Variants in CDCA7 observed in about 807,000 individuals in gnomAD.
The protein encoded by CDCA7 is cell division cycle-associated protein 7.
In CDCA7, 28 loss-of-function variants were observed where a neutral mutation model predicts 54.0. The ratio of observed to expected loss-of-function variants is 0.52; its 90% CI spans 0.38 to 0.71. CDCA7 has a LOEUF of 0.71. Among genes scored for constraint, CDCA7 ranks in the 30% least tolerant of loss-of-function variants. CDCA7 has a pLI of 0.00. For missense variants in CDCA7, 484 were observed against 586.0 expected, an observed-to-expected ratio of 0.83 and a Z score of 1.80; for synonymous variants, 180 against 208.2, an observed-to-expected ratio of 0.86 and a Z score of 1.16.
chr2:173,367,556 A>G, intron 9 of CDCA7, 78 bp from the exon 10 acceptor site: 1 of 1,555,960 alleles, frequency 6.4e-7, no homozygotes, highest in Non-Finnish European at 8.9e-7. Flanking sequence ...AAATGGTTTT[A>G]AAAATGAATT....
chr2:173,366,263 T>TC lies in CDCA7; in HGVS notation c.1036-19dup, dbSNP rs397809331. ...AAACAGTGGTTTTTTTTGTTTTTTTTCTTAATGGCTTATTTGTAGGGCTCT... is the reference window on the plus strand; with the variant it reads ...AAACAGTGGTTTTTTTTGTTTTTTTTCCTTAATGGCTTATTTGTAGGGCTCT... On this transcript the variant is annotated intron_variant, in intron 7 of 9. Transcript: ENST00000306721. The surrounding 1 kb of genome is among the most constrained non-coding windows in gnomAD (Gnocchi z 4.5). The TC allele has an allele frequency of 1.3e-6, 2 of 1,582,274 alleles. No homozygotes were observed. Among genetic ancestry groups the TC allele is most frequent in the African/African-American group, 2.7e-5 (2 of 72,812 alleles).
rs1686723675 is a variant in CDCA7 at position 173,366,532 on chromosome 2, G to A, written c.1185+100G>A. 6.9e-7 allele frequency: 1 copy of A among 1,449,358 alleles called. No individual in the cohort carries two copies. The allele number at this position is 1,449,358 out of a possible 1,614,324, so 89.8% of individuals were successfully genotyped here. A position where few individuals can be genotyped will look rare whatever the true frequency, so the allele number is the denominator to read the frequency against. ...TTGGTGAAGGGGTGGAGCCCTTTCT[G>A]TTATGGGGTGCTCTTCTTTTTTTTT... On this transcript the variant is annotated intron_variant, in intron 8 of 9. Transcript: ENST00000306721. The surrounding 1 kb of genome is among the most constrained non-coding windows in gnomAD (Gnocchi z 4.5).
chr2:173,364,756 T>A, intron 5 of CDCA7, 39 bp from the exon 6 acceptor site: 1 of 1,554,174 alleles, frequency 6.4e-7, no homozygotes. Flanking sequence ...TTCTCTTTAT[T>A]ATGGAATAAA....
intron 3 of CDCA7, among the ~76,000 whole-genome samples, chr2:173,361,397 T>C (rs371072195): frequency 6.6e-6 from 1 of 152,236 alleles, no homozygotes; most frequent in Non-Finnish European, 1.5e-5. Context: ...CAGCAGTGTG[T>C]GAGGGTTACA....
rs552319273 is a variant in CDCA7, at chr2:173,359,918, G to A, written c.384+427G>A. Among the ~76,000 whole-genome samples, 47 of 152,292 alleles carry A rather than the reference G, an allele frequency of 3.1e-4. No homozygotes were observed. The South Asian group carries it at 9.1e-3, about 30-fold the overall frequency. On this transcript the variant is annotated intron_variant, in intron 3 of 9. Transcript: ENST00000306721. Reference sequence around the variant, plus strand: ...ATCTTGAAAACCTGTGATAACTTACGTGCAGGAGCTCCATTGCAGATAATG... The same window carrying A: ...ATCTTGAAAACCTGTGATAACTTACATGCAGGAGCTCCATTGCAGATAATG...
intron 1 of CDCA7, 34 bp downstream of exon 1, chr2:173,355,018 C>T (rs1686467318): frequency 7.3e-7 from 1 of 1,364,226 alleles, no homozygotes; most frequent in Non-Finnish European, 9.4e-7. Flanking sequence ...GAGGGGCGGG[C>T]GCGGTGGGTG....
intron 3 of CDCA7, among the ~76,000 whole-genome samples, chr2:173,360,116 G>T (rs1686591657): frequency 6.6e-6 from 1 of 152,204 alleles, no homozygotes; most frequent in African/African-American, 2.4e-5. Context: ...CTTGACAAAG[G>T]AAGCAGTGCA....
chr2:173,366,841 C>T lies in CDCA7; in HGVS notation c.1186-309C>T, dbSNP rs891038648. Among the ~76,000 whole-genome samples the T allele has an allele frequency of 1.2e-4, 19 of 152,094 alleles. No homozygotes were observed. Among genetic ancestry groups the T allele is most frequent in the Admixed American group, 1.2e-3 (19 of 15,268 alleles). The stretch of plus-strand genomic sequence containing the variant: ...GATTACAGGTGTGAGCCACCACGCC[C>T]GGCCCAGGGTGCTCTTAATTCAGAA... On this transcript the variant is annotated intron_variant, in intron 8 of 9. Transcript: ENST00000306721. The surrounding 1 kb of genome is among the most constrained non-coding windows in gnomAD (Gnocchi z 4.5).
At chr2:173,355,049 GC>G in intron 1 of CDCA7, 65 bp downstream of exon 1, 1 of 1,286,066 alleles carries the variant, frequency 7.8e-7, no homozygotes, top group Non-Finnish European at 9.8e-7. Context: ...GCGGGCGCGG[GC>G]CGACCCTCTC....
chr2:173,356,899 C>T (rs368784198), intron 1 of CDCA7, among the ~76,000 whole-genome samples: 2 of 152,152 alleles, frequency 1.3e-5, no homozygotes, highest in African/African-American at 4.8e-5. Flanking sequence ...GATGATTGAA[C>T]GGAGTTTACT....
chr2:173,358,222 T>A (rs1686549221), intron 1 of CDCA7, among the ~76,000 whole-genome samples: 1 of 150,698 alleles, frequency 6.6e-6, no homozygotes, highest in Admixed American at 6.6e-5. Context: ...AAAAAGAATT[T>A]GACCTGGTTT....
chr2:173,359,389 A>C lies in CDCA7; in HGVS notation c.282A>C (p.Lys94Asn), dbSNP rs1356578370. Reference protein sequence around the residue: ...DVLDHCGFLQKPRPDVTNELA... With the variant: ...DVLDHCGFLQNPRPDVTNELA... ...TAGACCATTGTGGATTTTTACAGAA[A>C]CCAAGGCCAGATGTCACTAACGAAC... is the stretch of plus-strand genomic sequence containing the variant. Residue 94 changes from lysine (K) to asparagine (N), a missense_variant, in exon 3 of 10, where the codon AAA (lysine) becomes AAC (asparagine). Lys to Asn is a moderately conservative substitution (Grantham distance 94). This residue lies in a region of CDCA7 where 398 missense variants were observed against 447.4 expected (regional missense o/e 0.89). Transcript: ENST00000306721. 1.2e-6 allele frequency: 2 copies of C among 1,614,228 alleles called. No individual in the cohort carries two copies. The highest frequency in any genetic ancestry group is 4.5e-5 in the East Asian group (2 of 44,884).
At position 173,367,358 on chromosome 2, in the gene CDCA7, G is replaced by A; in HGVS notation, c.1322+72G>A. 1.9e-6 allele frequency: 3 copies of A among 1,595,796 alleles called. No homozygotes were observed. In the South Asian group the frequency reaches 3.3e-5, roughly 18 times the overall value. ...TTTATGTCTTAATGAGAAGATGATA[G>A]ATGTCAGAAGAGTGGTTATCTCTGG... On this transcript the variant is annotated intron_variant, in intron 9 of 9. Coordinates refer to ENST00000306721, the MANE Select transcript of CDCA7 (RefSeq NM_031942.5).
chr2:173,365,167 C>T (rs1206939833), intron 6 of CDCA7, among the ~76,000 whole-genome samples, 178 bp downstream of exon 6: 4 of 152,248 alleles, frequency 2.6e-5, no homozygotes, highest in East Asian at 1.9e-4. Context: ...TATTAGCAGG[C>T]GAGAATTGGG....
At chr2:173,362,853 C>T (rs1034154767) in intron 3 of CDCA7, among the ~76,000 whole-genome samples, 4 of 152,146 alleles carry the variant, frequency 2.6e-5, no homozygotes, top group African/African-American at 9.7e-5. Flanking sequence ...GCTGGGATTA[C>T]AGATGTGAGC....
intron 5 of CDCA7, 23 bp downstream of exon 5, chr2:173,363,918 A>G: frequency 6.2e-7 from 1 of 1,605,960 alleles, no homozygotes; most frequent in Non-Finnish European, 8.5e-7. Context: ...TCTTGTTTAT[A>G]TACAGTAGTG....
Position 173,368,437 on chromosome 2 carries a change from T to G in CDCA7, c.*773T>G, listed in dbSNP as rs1000454945. ...ATAAAACTTTAGTATAATTGTAGTT[T>G]GCAAAGTTTATTTCAGTTCACATGT... On this transcript the variant is annotated 3_prime_UTR_variant, in exon 10 of 10. Transcript: ENST00000306721. The G allele has an allele frequency of 2.0e-5, 3 of 152,232 alleles. No homozygotes were observed. Among genetic ancestry groups the G allele is most frequent in the African/African-American group, 4.8e-5 (2 of 41,466 alleles). The allele number at this position is 152,232 out of a possible 1,614,324, so 9.4% of individuals were successfully genotyped here. A position where few individuals can be genotyped will look rare whatever the true frequency, so the allele number is the denominator to read the frequency against.
At chr2:173,361,802 G>A (rs115547219) in intron 3 of CDCA7, among the ~76,000 whole-genome samples, 2,558 of 150,768 alleles carry the variant, frequency 0.017, 75 homozygotes, top group African/African-American at 0.058. Context: ...TATGTTTTGT[G>A]TTTTTTTTTA....
At position 173,366,123 on chromosome 2, in the gene CDCA7, T is replaced by C. The variant is rs796839253; in HGVS notation, c.1036-160T>C. 3.9e-5 allele frequency among the ~76,000 whole-genome samples: 6 copies of C among 152,154 alleles called. No individual in the cohort carries two copies. Among genetic ancestry groups the C allele is most frequent in the African/African-American group, 1.4e-4 (6 of 41,490 alleles). ...TACAGGTGTGAGCCACTGCACCTGG[T>C]TGAGTTATTTTTCATACCCTGGCAT... is the stretch of plus-strand genomic sequence containing the variant. On this transcript the variant is annotated intron_variant, in intron 7 of 9. Coordinates refer to ENST00000306721, the MANE Select transcript of CDCA7 (RefSeq NM_031942.5). This position sits in a 1 kb window ranked among gnomAD's most constrained non-coding sequence, Gnocchi z 4.5.
Sources: gnomAD v4.1 joint callset for allele counts (sites outside exome capture counted in the v4.1 genomes callset) on GRCh38, gnomAD v4.1.1 for gene constraint, gnomAD v4.1.1 regional missense constraint, Gnocchi (gnomAD v3.1) non-coding constraint, MANE v1.5 for transcripts, NCBI Gene and HGNC (gene_info 2026-07-23, HGNC 2026-07-21) for gene names.